Variants in TNIK observed in about 807,000 individuals in gnomAD.
TNIK encodes the protein TRAF2 and NCK interacting kinase, also known as TRAF2 and NCK-interacting protein kinase.
A neutral mutation model predicts 191.3 loss-of-function variants in TNIK; 49 were observed. That is an observed-to-expected ratio of 0.26 (90% CI 0.20 to 0.32). The LOEUF (loss-of-function observed/expected upper bound fraction) is 0.32. Among genes scored for constraint, TNIK ranks in the 10% least tolerant of loss-of-function variants. The pLI, the probability that TNIK is intolerant of heterozygous loss-of-function variation, is 1.00. For missense variants in TNIK, 1,155 were observed against 1,702.3 expected, an observed-to-expected ratio of 0.68 and a Z score of 5.66; for synonymous variants, 594 against 600.9, an observed-to-expected ratio of 0.99 and a Z score of 0.17.
At chr3:171,197,046 A>G (rs529391326) in intron 4 of TNIK, among the ~76,000 whole-genome samples, 63 of 152,288 alleles carry the variant, frequency 4.1e-4, no homozygotes, top group Non-Finnish European at 6.2e-4. Context: ...TTGAGCCACC[A>G]CACCTGGCCA....
intron 1 of TNIK, among the ~76,000 whole-genome samples, chr3:171,370,359 C>T (rs9841526): frequency 0.025 from 3,837 of 152,230 alleles, 144 homozygotes; most frequent in African/African-American, 0.084. Context: ...GTTCTTACCA[C>T]CAATCAGTTG....
rs138085496 is a variant in TNIK at position 171,076,032 on chromosome 3, G to A, written c.3448+3486C>T. ...ATTACAGGCGTGAGCCACTGTGCCC[G>A]GCCCAAAGGCTGCTTTTTATACTTA... On this transcript the variant is annotated intron_variant, in intron 28 of 32. Transcript: ENST00000436636. 1.2e-3 allele frequency among the ~76,000 whole-genome samples: 178 copies of A among 152,168 alleles called. No individual in the cohort carries two copies. The East Asian group carries it at 0.016, about 14-fold the overall frequency.
At chr3:171,286,903 T>A (rs957004389) in intron 2 of TNIK, among the ~76,000 whole-genome samples, 15 of 152,212 alleles carry the variant, frequency 9.9e-5, no homozygotes, top group Non-Finnish European at 1.5e-5. Flanking sequence ...TAAACCTTCT[T>A]TAACTTAGGT....
chr3:171,163,773 C>T (rs192273452), intron 10 of TNIK, among the ~76,000 whole-genome samples: 3 of 152,192 alleles, frequency 2.0e-5, no homozygotes, highest in Middle Eastern at 3.4e-3. Flanking sequence ...AGGGTAAATC[C>T]TTCATTTGTC....
chr3:171,130,880 G>GTAT lies in TNIK; in HGVS notation c.1609-2003_1609-2002insATA, dbSNP rs1729146397. 3.3e-5 allele frequency among the ~76,000 whole-genome samples: 5 copies of GTAT among 152,264 alleles called. No homozygotes were observed. In the South Asian group the frequency reaches 1.0e-3, roughly 32 times the overall value. On this transcript the variant is annotated intron_variant, in intron 15 of 32. Coordinates refer to ENST00000436636, the MANE Select transcript of TNIK (RefSeq NM_015028.4). ...TTTTTGGCTCTAAAATACACTGATA[G>GTAT]CTTTAAATGTACATTAAGGGACAGC...
intron 2 of TNIK, among the ~76,000 whole-genome samples, chr3:171,248,973 C>T (rs977116419): frequency 1.3e-5 from 2 of 152,034 alleles, no homozygotes; most frequent in African/African-American, 4.8e-5. Flanking sequence ...CAGACTAGGA[C>T]GACGTTATAA....
chr3:171,305,510 T>C (rs1179434100), intron 2 of TNIK, among the ~76,000 whole-genome samples: 1 of 151,978 alleles, frequency 6.6e-6, no homozygotes, highest in African/African-American at 2.4e-5. Context: ...CTTAAACAAA[T>C]GTACAAGCAA....
intron 24 of TNIK, among the ~76,000 whole-genome samples, chr3:171,086,308 C>T (rs1238650904): frequency 2.0e-5 from 3 of 152,132 alleles, no homozygotes; most frequent in Non-Finnish European, 2.9e-5. Context: ...GGTTGAATTC[C>T]CCCTACCAAA....
Position 171,342,469 on chromosome 3 carries a change from G to A in TNIK, c.123+27151C>T, listed in dbSNP as rs182286778. On this transcript the variant is annotated intron_variant, in intron 2 of 32. Coordinates refer to ENST00000436636, the MANE Select transcript of TNIK (RefSeq NM_015028.4). ...ATCACTCAGAAATCATCACTCTCAAGCACCTTATGGTACCAGAAAATGAGG... is the reference window on the plus strand; with the variant it reads ...ATCACTCAGAAATCATCACTCTCAAACACCTTATGGTACCAGAAAATGAGG... Among the ~76,000 whole-genome samples, 24 of 152,082 alleles carry A rather than the reference G, an allele frequency of 1.6e-4. No individual in the cohort carries two copies. The South Asian group carries it at 5.0e-3, about 32-fold the overall frequency.
chr3:171,357,746 G>C (rs1714331670), intron 2 of TNIK, among the ~76,000 whole-genome samples: 1 of 152,134 alleles, frequency 6.6e-6, no homozygotes, highest in Non-Finnish European at 1.5e-5. Context: ...CCTGAACCAA[G>C]TGTTAAGGAT....
At chr3:171,426,939 T>C (rs1277760430) in intron 1 of TNIK, among the ~76,000 whole-genome samples, 8 of 152,020 alleles carry the variant, frequency 5.3e-5, no homozygotes, top group Admixed American at 4.6e-4. Flanking sequence ...AATGAGCAAA[T>C]GGAAAACAGA....
rs1244769035 is a variant in TNIK, at chr3:171,074,628, TTATC to T, written c.3449-3309_3449-3306del. Among the ~76,000 whole-genome samples, 3 of 152,334 alleles carry T rather than the reference TTATC, an allele frequency of 2.0e-5. No homozygotes were observed. The East Asian group carries it at 5.8e-4, about 29-fold the overall frequency. On this transcript the variant is annotated intron_variant, in intron 28 of 32. Coordinates refer to ENST00000436636, the MANE Select transcript of TNIK (RefSeq NM_015028.4). ...TTAAAATCATCTTGAAAATAAAAAC[TTATC>T]TAAGCACATATAGGCTCAGATAAAT...
At chr3:171,100,546 G>A (rs1158397168) in intron 22 of TNIK, among the ~76,000 whole-genome samples, 1 of 151,908 alleles carries the variant, frequency 6.6e-6, no homozygotes, top group Non-Finnish European at 1.5e-5. Flanking sequence ...GCTAGTAGCT[G>A]AGCCAAAGAA....
chr3:171,161,406 T>TTATA, intron 10 of TNIK, 70 bp from the exon 11 acceptor site: 1 of 1,387,136 alleles, frequency 7.2e-7, no homozygotes, highest in South Asian at 1.3e-5. Flanking sequence ...ACCCCGTCTC[T>TTATA]TATATATAAA....
At chr3:171,106,587 G>C (rs1724925629) in intron 21 of TNIK, 1 of 484,284 alleles carries the variant, frequency 2.1e-6, no homozygotes, top group Non-Finnish European at 4.4e-6. Flanking sequence ...CAGTAAGGCA[G>C]TCATCCTTCT....
At chr3:171,210,313 C>T (rs1740635982) in intron 4 of TNIK, among the ~76,000 whole-genome samples, 1 of 152,062 alleles carries the variant, frequency 6.6e-6, no homozygotes, top group South Asian at 2.1e-4. Context: ...CAAGGGAAGG[C>T]CAAACCAATA....
intron 22 of TNIK, among the ~76,000 whole-genome samples, chr3:171,100,870 C>T (rs1362380703): frequency 6.6e-6 from 1 of 151,510 alleles, no homozygotes; most frequent in Admixed American, 6.6e-5. Context: ...AAGACACAGA[C>T]CACAGAAAAA....
At chr3:171,138,604 T>TTTTCA (rs1730361853) in intron 14 of TNIK, among the ~76,000 whole-genome samples, 1 of 152,144 alleles carries the variant, frequency 6.6e-6, no homozygotes, top group African/African-American at 2.4e-5. Flanking sequence ...ACGCTATTGC[T>TTTTCA]TTAAAATGGC....
At chr3:171,080,423 TTTTATTTATTTA>T (rs201216959) in intron 27 of TNIK, among the ~76,000 whole-genome samples, 2 of 150,320 alleles carry the variant, frequency 1.3e-5, no homozygotes, top group African/African-American at 4.9e-5. Flanking sequence ...TTTAAAAATG[TTTTATTTATTTA>T]TTTATTTATT....
Sources: allele counts gnomAD v4.1 joint callset (sites outside exome capture counted in the v4.1 genomes callset), GRCh38; gene constraint gnomAD v4.1.1; transcripts MANE v1.5; gene names NCBI Gene and HGNC (gene_info 2026-07-23, HGNC 2026-07-21).